The following ZNF704 variants were observed in gnomAD, a reference collection of about 807,000 sequenced individuals.
The protein encoded by ZNF704 is zinc finger protein 704.
In ZNF704, 10 loss-of-function variants were observed where a neutral mutation model predicts 44.7. The observed-to-expected ratio is 0.22, with a 90% confidence interval of 0.14 to 0.38. ZNF704 has a LOEUF of 0.38. Among genes scored for constraint, ZNF704 ranks in the 10% least tolerant of loss-of-function variants. The pLI, the probability that ZNF704 is intolerant of heterozygous loss-of-function variation, is 1.00. For synonymous variants in ZNF704, 211 were observed against 207.6 expected (o/e 1.02, Z -0.14); for missense variants, 390 against 545.5 (o/e 0.71, Z 2.84).
intron 5 of ZNF704, 131 bp downstream of exon 5, chr8:80,670,372 A>C: frequency 2.2e-5 from 14 of 649,860 alleles, no homozygotes; most frequent in Non-Finnish European, 3.6e-5. Flanking sequence ...CCATCTCTCT[A>C]GAGATTAGGA....
intron 1 of ZNF704, among the ~76,000 whole-genome samples, chr8:80,829,759 ACTTT>A (rs1263500449): frequency 7.2e-5 from 11 of 152,334 alleles, no homozygotes; most frequent in East Asian, 1.9e-4. Flanking sequence ...CTTCTATAAT[ACTTT>A]CTAAGTAAAA....
intron 6 of ZNF704, among the ~76,000 whole-genome samples, chr8:80,661,942 C>G (rs1047320487): frequency 6.6e-6 from 1 of 152,074 alleles, no homozygotes; most frequent in African/African-American, 2.4e-5. Context: ...GAAGAGAGGA[C>G]TGGAAATGTT....
chr8:80,819,618 C>T (rs1808235019), intron 2 of ZNF704, among the ~76,000 whole-genome samples: 1 of 150,720 alleles, frequency 6.6e-6, no homozygotes, highest in Non-Finnish European at 1.5e-5. Context: ...ATGAGACAAC[C>T]AAACAACAAA....
In ZNF704 at chr8:80,641,144, T is replaced by G. The variant is rs1326606013; in HGVS notation, c.*222A>C. 2 of 370,714 alleles carry G rather than the reference T, an allele frequency of 5.4e-6. No individual in the cohort carries two copies. Among genetic ancestry groups the G allele is most frequent in the African/African-American group, 4.1e-5 (2 of 48,568 alleles). The allele number at this position is 370,714 out of a possible 1,614,324, so 23.0% of individuals were successfully genotyped here. A position where few individuals can be genotyped will look rare whatever the true frequency, so the allele number is the denominator to read the frequency against. On this transcript the variant is annotated 3_prime_UTR_variant, in exon 9 of 9. Coordinates refer to ENST00000327835, the MANE Select transcript of ZNF704 (RefSeq NM_001033723.3). The stretch of plus-strand genomic sequence containing the variant: ...TGAAGGAAAAAAAACTAGTTATAGC[T>G]GCTCCAAGCTGGGTTCTCAGTAAGA...
At chr8:80,690,623 C>A (rs1185204942) in intron 3 of ZNF704, among the ~76,000 whole-genome samples, 1 of 152,120 alleles carries the variant, frequency 6.6e-6, no homozygotes, top group Non-Finnish European at 1.5e-5. Flanking sequence ...ATCAGAGTAC[C>A]CATTTGCCAG....
At chr8:80,659,868 A>G (rs138196266) in intron 6 of ZNF704, among the ~76,000 whole-genome samples, 179 bp from the exon 7 acceptor site, 13 of 152,200 alleles carry the variant, frequency 8.5e-5, no homozygotes, top group African/African-American at 2.7e-4. Flanking sequence ...TAAACTTTGT[A>G]TATATACCTA....
intron 2 of ZNF704, among the ~76,000 whole-genome samples, chr8:80,717,014 C>T (rs1288570260): frequency 2.6e-5 from 4 of 152,218 alleles, no homozygotes; most frequent in Non-Finnish European, 4.4e-5. Flanking sequence ...TATCACACTT[C>T]CATTTTTAAG....
intron 1 of ZNF704, among the ~76,000 whole-genome samples, chr8:80,862,602 A>G (rs1262805224): frequency 6.7e-6 from 1 of 150,264 alleles, no homozygotes; most frequent in Non-Finnish European, 1.5e-5. Flanking sequence ...TCTACCAAAA[A>G]AAAAAAAAAA....
intron 3 of ZNF704, among the ~76,000 whole-genome samples, chr8:80,690,278 A>G (rs1818610466): frequency 6.6e-6 from 1 of 152,228 alleles, no homozygotes; most frequent in East Asian, 1.9e-4. Flanking sequence ...CTTTAAGTAC[A>G]AAGGAACACT....
chr8:80,641,727 G>A (rs973048603), intron 8 of ZNF704, among the ~76,000 whole-genome samples: 2 of 152,158 alleles, frequency 1.3e-5, no homozygotes, highest in African/African-American at 4.8e-5. Flanking sequence ...AAATTAGCCA[G>A]GCATGTACCT....
chr8:80,731,570 A>G (rs1353438164), intron 2 of ZNF704, among the ~76,000 whole-genome samples: 2 of 152,222 alleles, frequency 1.3e-5, no homozygotes, highest in South Asian at 2.1e-4. Context: ...AAAGATATCT[A>G]TATCATTAGT....
chr8:80,730,183 T>G (rs1806554590), intron 2 of ZNF704, among the ~76,000 whole-genome samples: 1 of 152,132 alleles, frequency 6.6e-6, no homozygotes, highest in Non-Finnish European at 1.5e-5. Context: ...CTTTTACAGT[T>G]AAAAGAAGAA....
intron 8 of ZNF704, 36 bp downstream of exon 8, chr8:80,642,999 G>GTGGTGAT: frequency 7.1e-7 from 1 of 1,404,112 alleles, no homozygotes; most frequent in Non-Finnish European, 9.7e-7. Context: ...TAATTCCCTT[G>GTGGTGAT]TGGTGAGGTG....
chr8:80,693,710 C>A (rs573061314), intron 2 of ZNF704, among the ~76,000 whole-genome samples: 257 of 152,130 alleles, frequency 1.7e-3, no homozygotes, highest in Non-Finnish European at 2.8e-3. Context: ...CAGGAATGTG[C>A]GGGAATGTTT....
intron 4 of ZNF704, among the ~76,000 whole-genome samples, chr8:80,671,894 T>C (rs1195459402): frequency 6.6e-6 from 1 of 152,188 alleles, no homozygotes; most frequent in Non-Finnish European, 1.5e-5. Flanking sequence ...ACAAAGGTCT[T>C]AGGGTATAGC....
At chr8:80,850,713 G>A (rs757153741) in intron 1 of ZNF704, among the ~76,000 whole-genome samples, 1 of 152,076 alleles carries the variant, frequency 6.6e-6, no homozygotes, top group African/African-American at 2.4e-5. Flanking sequence ...CCCCTAAGTA[G>A]TGACCTTTCC....
At chr8:80,730,538 TAAAAAAAAAAAAAAA>T (rs148942015) in intron 2 of ZNF704, among the ~76,000 whole-genome samples, 5 of 63,966 alleles carry the variant, frequency 7.8e-5, no homozygotes, top group African/African-American at 1.5e-4. Flanking sequence ...GACTACATCT[TAAAAAAAAAAAAAAA>T]AAAAAAAAAA....
chr8:80,841,912 C>A (rs967137821), intron 1 of ZNF704, among the ~76,000 whole-genome samples: 1 of 152,202 alleles, frequency 6.6e-6, no homozygotes, highest in South Asian at 2.1e-4. Context: ...CTCAACCTCT[C>A]AAATACCTGG....
At chr8:80,661,090 C>G (rs1818095113) in intron 6 of ZNF704, among the ~76,000 whole-genome samples, 1 of 152,076 alleles carries the variant, frequency 6.6e-6, no homozygotes, top group Non-Finnish European at 1.5e-5. Context: ...ATTCAAACAA[C>G]TCAATAGCAA....
Sources: gnomAD v4.1 joint callset for allele counts (sites outside exome capture counted in the v4.1 genomes callset) on GRCh38, gnomAD v4.1.1 for gene constraint, MANE v1.5 for transcripts, NCBI Gene and HGNC (gene_info 2026-07-23, HGNC 2026-07-21) for gene names.